Variants in PDIA6 observed in about 807,000 individuals in gnomAD.
PDIA6 encodes protein disulfide-isomerase A6.
In PDIA6, 29 loss-of-function variants were observed where a neutral mutation model predicts 58.4. That is an observed-to-expected ratio of 0.50 (90% CI 0.37 to 0.68). PDIA6 has a LOEUF of 0.68. Ranked by LOEUF, PDIA6 falls within the 30% of genes least tolerant of loss-of-function variation. The probability of loss-of-function intolerance (pLI) is 0.00; values close to 1 mark genes in which losing one functional copy is unlikely to be tolerated. For synonymous variants in PDIA6, 192 were observed against 202.6 expected (o/e 0.95, Z 0.44); for missense variants, 480 against 551.0 (o/e 0.87, Z 1.29).
upstream of PDIA6, among the ~76,000 whole-genome samples, chr2:10,836,335 G>A (rs1667831861): frequency 6.6e-6 from 1 of 152,120 alleles, no homozygotes; most frequent in South Asian, 2.1e-4. Context: ...GGATGGGTCT[G>A]GGGCTTTGGG....
intron 1 of PDIA6, among the ~76,000 whole-genome samples, chr2:10,830,840 C>T (rs1026935770): frequency 1.3e-5 from 2 of 152,190 alleles, no homozygotes; most frequent in Non-Finnish European, 2.9e-5. Flanking sequence ...CTGGTGCCAC[C>T]CCCGCCGGCT....
chr2:10,820,013 G>C (rs1286422550), intron 1 of PDIA6, among the ~76,000 whole-genome samples: 1 of 152,202 alleles, frequency 6.6e-6, no homozygotes, highest in Non-Finnish European at 1.5e-5. Context: ...AGTTAGATAT[G>C]ACTAGTCTCA....
At chr2:10,798,434 G>A (rs958686031) in intron 2 of PDIA6, among the ~76,000 whole-genome samples, 8 of 151,982 alleles carry the variant, frequency 5.3e-5, no homozygotes, top group Non-Finnish European at 8.8e-5. Context: ...TGGGCATGGT[G>A]GCACACACCT....
chr2:10,837,569 G>C (rs539798034), exon 1 of PDIA6: 1 of 787,600 alleles, frequency 1.3e-6, no homozygotes, highest in South Asian at 1.4e-5. Context: ...TTTGATCCTC[G>C]GGACACTTTG....
intron 1 of PDIA6, among the ~76,000 whole-genome samples, chr2:10,822,285 CAG>C (rs1489502422): frequency 6.6e-6 from 1 of 151,322 alleles, no homozygotes; most frequent in Non-Finnish European, 1.5e-5. Context: ...TTTTTTGAGA[CAG>C]AGTCTCGCTG....
intron 1 of PDIA6, 25 bp downstream of exon 1, chr2:10,812,653 C>T: frequency 1.3e-6 from 2 of 1,523,962 alleles, no homozygotes; most frequent in East Asian, 2.8e-5. Flanking sequence ...AGCTCGCCCG[C>T]CTCCCTCCGC....
Position 10,800,911 on chromosome 2 carries a change from G to A in PDIA6, c.161+1588C>T, listed in dbSNP as rs377399446. On this transcript the variant is annotated intron_variant, in intron 2 of 12. Coordinates refer to ENST00000272227, the MANE Select transcript of PDIA6 (RefSeq NM_005742.4). The stretch of plus-strand genomic sequence containing the variant: ...TAATCGTGAGCCATCATGCCTGACC[G>A]TAAAAGTTTTATTATAAGAATCCAA... Among the ~76,000 whole-genome samples the A allele has an allele frequency of 2.6e-4, 39 of 152,186 alleles. No individual in the cohort carries two copies. In the South Asian group the frequency reaches 7.1e-3, roughly 28 times the overall value.
chr2:10,827,358 C>A (rs563988626), intron 1 of PDIA6, among the ~76,000 whole-genome samples: 10 of 152,066 alleles, frequency 6.6e-5, no homozygotes, highest in Non-Finnish European at 1.2e-4. Context: ...CCACCGCACC[C>A]AGCCTTATTT....
intron 1 of PDIA6, among the ~76,000 whole-genome samples, chr2:10,826,419 G>A (rs969731269): frequency 6.6e-6 from 1 of 152,076 alleles, no homozygotes; most frequent in Non-Finnish European, 1.5e-5. Context: ...GAGTGCAATG[G>A]CGCAGTCTTG....
chr2:10,807,393 A>G (rs918505876), intron 1 of PDIA6, among the ~76,000 whole-genome samples: 6 of 152,088 alleles, frequency 3.9e-5, no homozygotes, highest in Non-Finnish European at 5.9e-5. Flanking sequence ...TTGTAGAGAC[A>G]GGGTCTCCCT....
At chr2:10,796,344 T>C (rs1028390357) in intron 4 of PDIA6, among the ~76,000 whole-genome samples, 18 of 152,220 alleles carry the variant, frequency 1.2e-4, no homozygotes, top group South Asian at 4.1e-4. Context: ...TGAGCCATCA[T>C]GCCCAGCCCG....
chr2:10,800,553 T>G (rs1178476652), intron 2 of PDIA6, among the ~76,000 whole-genome samples: 3 of 145,636 alleles, frequency 2.1e-5, no homozygotes, highest in African/African-American at 7.4e-5. Flanking sequence ...TCTATAAGCT[T>G]TATTTAAACG....
In PDIA6 at chr2:10,803,911, GTTTTT is replaced by G. The variant is rs754643092; in HGVS notation, c.20-1276_20-1272del. Among the ~76,000 whole-genome samples, 420 of 117,902 alleles carry G rather than the reference GTTTTT, an allele frequency of 3.6e-3. 4 individuals carry two copies. Among genetic ancestry groups the G allele is most frequent in the African/African-American group, 0.012 (402 of 34,560 alleles). 77.3% of individuals were successfully genotyped at this position (117,902 alleles called of 152,430 possible). ...TGCGTGTTTGTGTCCTAGTTTTTGTGTTTTTTTTTTTTTTTGAGACAGAGTCTTGC... is the reference window on the plus strand; with the variant it reads ...TGCGTGTTTGTGTCCTAGTTTTTGTGTTTTTTTTTTGAGACAGAGTCTTGC... On this transcript the variant is annotated intron_variant, in intron 1 of 12. Transcript: ENST00000272227.
At chr2:10,836,574 G>T (rs564527666), upstream of PDIA6, among the ~76,000 whole-genome samples, 3 of 147,060 alleles carry the variant, frequency 2.0e-5, no homozygotes, top group East Asian at 2.0e-4. Context: ...GAGATCATTC[G>T]CATGCCATAG....
chr2:10,827,016 A>G (rs528852981), intron 1 of PDIA6, among the ~76,000 whole-genome samples: 1 of 152,274 alleles, frequency 6.6e-6, no homozygotes, highest in South Asian at 2.1e-4. Flanking sequence ...CAGTTCATCA[A>G]ACTTGGTGTT....
At chr2:10,796,987 G>A in intron 4 of PDIA6, 94 bp downstream of exon 4, 3 of 1,028,372 alleles carry the variant, frequency 2.9e-6, no homozygotes, top group Non-Finnish European at 4.6e-6. Context: ...CAATGAGGTT[G>A]AGAACCTTGC....
chr2:10,812,389 C>T (rs980527003), intron 1 of PDIA6, among the ~76,000 whole-genome samples: 57 of 142,636 alleles, frequency 4.0e-4, no homozygotes, highest in Non-Finnish European at 7.3e-4. Context: ...GGGCTGGGCT[C>T]CGCGGCTCTC....
In PDIA6 at chr2:10,784,329, G is replaced by A; in HGVS notation, c.1255-3C>T. 3.7e-6 allele frequency: 6 copies of A among 1,611,814 alleles called. No individual in the cohort carries two copies. In the South Asian group the frequency reaches 5.5e-5, roughly 15 times the overall value. On this transcript the variant is annotated splice_region_variant and splice_polypyrimidine_tract_variant and intron_variant, in intron 12 of 12. Transcript: ENST00000272227. ...TCAATGTCATCCTCCACGGGAAGCT[G>A]GGAGACGACAGAAAGCCACTGTTAG... is the stretch of plus-strand genomic sequence containing the variant.
At chr2:10,806,758 A>G (rs4669628) in intron 1 of PDIA6, among the ~76,000 whole-genome samples, 1 of 151,044 alleles carries the variant, frequency 6.6e-6, no homozygotes, top group East Asian at 2.0e-4. Context: ...CAGGTGTACT[A>G]TTTTAATCTT....
Sources: allele counts gnomAD v4.1 joint callset (sites outside exome capture counted in the v4.1 genomes callset), GRCh38; gene constraint gnomAD v4.1.1; transcripts MANE v1.5; gene names NCBI Gene and HGNC (gene_info 2026-07-23, HGNC 2026-07-21).